Variants in ZNF608 observed in about 807,000 individuals in gnomAD.
The protein encoded by ZNF608 is zinc finger protein 608, also known as renal carcinoma antigen NY-REN-36.
Under a neutral mutation model 109.0 loss-of-function variants are expected in ZNF608, and 12 were observed. The ratio of observed to expected loss-of-function variants is 0.11; its 90% CI spans 0.07 to 0.18. The LOEUF is 0.18. Among genes scored for constraint, ZNF608 ranks in the 10% least tolerant of loss-of-function variants. The probability of loss-of-function intolerance (pLI) is 1.00; values close to 1 mark genes in which losing one functional copy is unlikely to be tolerated. For synonymous variants in ZNF608, 732 were observed against 717.4 expected (o/e 1.02, Z -0.33); for missense variants, 1,707 against 1,879.3 (o/e 0.91, Z 1.70).
Position 124,720,779 on chromosome 5 carries a change from T to C in ZNF608, c.907-19510A>G, listed in dbSNP as rs114519131. 6.3e-3 allele frequency among the ~76,000 whole-genome samples: 961 copies of C among 152,240 alleles called. 18 individuals are homozygous for C. Among genetic ancestry groups the C allele is most frequent in the African/African-American group, 0.022 (921 of 41,534 alleles). On this transcript the variant is annotated intron_variant, in intron 2 of 9. Coordinates refer to ENST00000513986, the MANE Select transcript of ZNF608 (RefSeq NM_020747.3). ...AATTCATGCCTGAGCTCATAATATC[T>C]AATTACACTCCCAACTCCTGGGCTG...
intron 8 of ZNF608, among the ~76,000 whole-genome samples, chr5:124,640,106 C>T (rs971661896): frequency 6.6e-6 from 1 of 152,002 alleles, no homozygotes; most frequent in East Asian, 1.9e-4. Flanking sequence ...ACTAAAAAGA[C>T]CTGAATAAAT....
At chr5:124,719,634 T>C (rs1164627702) in intron 2 of ZNF608, among the ~76,000 whole-genome samples, 1 of 152,220 alleles carries the variant, frequency 6.6e-6, no homozygotes, top group East Asian at 1.9e-4. Flanking sequence ...CAAGGGCTTG[T>C]TGACAAGCAA....
At chr5:124,713,981 C>T (rs1753597920) in intron 2 of ZNF608, among the ~76,000 whole-genome samples, 1 of 152,194 alleles carries the variant, frequency 6.6e-6, no homozygotes, top group African/African-American at 2.4e-5. Flanking sequence ...TGAGGAGCCA[C>T]ATTCCAGTTC....
At chr5:124,696,728 A>ATCTATC (rs1225658775) in intron 3 of ZNF608, among the ~76,000 whole-genome samples, 3 of 152,214 alleles carry the variant, frequency 2.0e-5, no homozygotes, top group African/African-American at 7.2e-5. Context: ...GCATCTTGAT[A>ATCTATC]GACACTATCT....
intron 3 of ZNF608, among the ~76,000 whole-genome samples, chr5:124,660,172 C>G (rs1456951355): frequency 1.3e-5 from 2 of 150,262 alleles, no homozygotes; most frequent in South Asian, 2.1e-4. Context: ...TCTCTTAACT[C>G]TGTGTGTGTG....
intron 2 of ZNF608, among the ~76,000 whole-genome samples, chr5:124,723,272 G>A (rs752778453): frequency 3.9e-5 from 6 of 152,134 alleles, no homozygotes; most frequent in Non-Finnish European, 7.4e-5. Context: ...GCCTCCCAAA[G>A]TACTGGGATT....
intron 3 of ZNF608, among the ~76,000 whole-genome samples, chr5:124,696,331 C>A (rs1752848789): frequency 6.6e-6 from 1 of 152,174 alleles, no homozygotes. Context: ...AAGCATTCAT[C>A]CTCTCACACC....
intron 8 of ZNF608, among the ~76,000 whole-genome samples, chr5:124,639,988 G>A (rs1222246232): frequency 2.0e-5 from 3 of 152,028 alleles, no homozygotes; most frequent in Non-Finnish European, 2.9e-5. Flanking sequence ...TAGATATAAT[G>A]TGTTAGACTA....
upstream of ZNF608, among the ~76,000 whole-genome samples, chr5:124,747,837 T>C (rs375788548): frequency 1.9e-4 from 29 of 152,264 alleles, no homozygotes; most frequent in South Asian, 2.5e-3. Flanking sequence ...CGGGGACGCC[T>C]GGGGGAGGGA....
chr5:124,641,336 C>G lies in ZNF608; in HGVS notation c.4366G>C (p.Gly1456Arg), dbSNP rs368636414. The change falls in exon 8 of 10, where the codon GGC becomes CGC. Residue 1456 changes from glycine (G) to arginine (R), a missense_variant. Gly to Arg is a moderately radical substitution (Grantham distance 125). This residue lies in a region of ZNF608 where 1,073 missense variants were observed against 1,133.5 expected (regional missense o/e 0.95). Transcript: ENST00000513986. ...ERERDRHSPFGQRHLHTHHHT... is the reference protein window; with the variant it reads ...ERERDRHSPFRQRHLHTHHHT... ...TGGTGCGTGTGCAGGTGCCGCTGGCCGAAGGGGGAGTGGCGATCCCTTTCC... is the reference window on the plus strand; with the variant it reads ...TGGTGCGTGTGCAGGTGCCGCTGGCGGAAGGGGGAGTGGCGATCCCTTTCC... The G allele has an allele frequency of 5.6e-6, 9 of 1,613,956 alleles. No homozygotes were observed. In the South Asian group the frequency reaches 9.9e-5, roughly 18 times the overall value.
At position 124,648,842 on chromosome 5, in the gene ZNF608, A is replaced by C; in HGVS notation, c.1542T>G (p.Ser514=). 6.2e-7 allele frequency: 1 copy of C among 1,614,088 alleles called. No individual in the cohort carries two copies. The highest frequency in any genetic ancestry group is 8.5e-7 in the Non-Finnish European group (1 of 1,179,972). ...CACGCTTTCCAGGCTTATTGTCCTC[A>C]GAGCTGGAGTTCAGGTCCAGCTCCA... ...PPMELDLNSS[S]EDNKPGKRVR... The change falls in exon 5 of 10, where the codon TCT becomes TCG. Residue 514 remains serine, a synonymous_variant. Coordinates refer to ENST00000513986, the MANE Select transcript of ZNF608 (RefSeq NM_020747.3).
rs778683422 is a variant in ZNF608, at chr5:124,648,933, T to C, written c.1451A>G (p.Asn484Ser). The part of the protein sequence containing the change: ...LNASGRRTPP[N>S]CAAEDIKASP... ...GGCTTTGATATCCTCAGCAGCACAA[T>C]TTGGGGGTGTCCTTCGTCCGCTGGC... is the stretch of plus-strand genomic sequence containing the variant. Residue 484 changes from asparagine (N) to serine (S), a missense_variant, in exon 5 of 10, where the codon AAT becomes AGT. Transcript: ENST00000513986. 1 of 1,614,046 alleles carries C rather than the reference T, an allele frequency of 6.2e-7. No homozygotes were observed.
At chr5:124,645,985 T>C (rs751834114) in intron 5 of ZNF608, among the ~76,000 whole-genome samples, 2 of 152,150 alleles carry the variant, frequency 1.3e-5, no homozygotes, top group African/African-American at 2.4e-5. Flanking sequence ...AAAATAAATA[T>C]TTCAGAGATA....
At chr5:124,656,195 T>C (rs569944332) in intron 3 of ZNF608, among the ~76,000 whole-genome samples, 3 of 152,264 alleles carry the variant, frequency 2.0e-5, no homozygotes, top group South Asian at 2.1e-4. Context: ...GCTTGGGAGA[T>C]AGGGCAGTAC....
rs183736404 is a variant in ZNF608, at chr5:124,736,254, A to T, written c.906+7830T>A. 6.6e-5 allele frequency among the ~76,000 whole-genome samples: 10 copies of T among 152,366 alleles called. No homozygotes were observed. In the East Asian group the frequency reaches 1.7e-3, roughly 26 times the overall value. On this transcript the variant is annotated intron_variant, in intron 2 of 9. Coordinates refer to ENST00000513986, the MANE Select transcript of ZNF608 (RefSeq NM_020747.3). ...AAGCCTATAATAAAGCACAGATTTG[A>T]TAGCATTATCCATGTACTGTGGTGA...
In ZNF608 at chr5:124,648,963, A is replaced by G. The variant is rs1245683831; in HGVS notation, c.1421T>C (p.Leu474Pro). The change falls in exon 5 of 10, where the codon CTC becomes CCC. Residue 474 changes from leucine to proline, a missense_variant. Physicochemically the swap from Leu to Pro is moderately conservative, Grantham distance 98. Transcript: ENST00000513986. ...GGGTGTCCTTCGTCCGCTGGCATTGAGGCTGCCCCGCCTCCCTTTCCCATT... is the reference window on the plus strand; with the variant it reads ...GGGTGTCCTTCGTCCGCTGGCATTGGGGCTGCCCCGCCTCCCTTTCCCATT... ...GANGKGRRGS[L>P]NASGRRTPPN... is the part of the protein sequence containing the mutation. 1 of 1,613,970 alleles carries G rather than the reference A, an allele frequency of 6.2e-7. No individual in the cohort carries two copies. Among genetic ancestry groups the G allele is most frequent in the Non-Finnish European group, 8.5e-7 (1 of 1,179,982 alleles).
At chr5:124,733,433 A>C (rs889686079) in intron 2 of ZNF608, among the ~76,000 whole-genome samples, 1 of 151,930 alleles carries the variant, frequency 6.6e-6, no homozygotes, top group Non-Finnish European at 1.5e-5. Context: ...TCCCCAAACA[A>C]AAATGCCCAG....
intron 3 of ZNF608, among the ~76,000 whole-genome samples, chr5:124,689,123 G>A (rs755770227): frequency 5.9e-5 from 9 of 152,224 alleles, no homozygotes; most frequent in South Asian, 2.1e-4. Context: ...TAAAGACCAG[G>A]CATACTGGGT....
intron 3 of ZNF608, among the ~76,000 whole-genome samples, chr5:124,665,667 C>T (rs1199928454): frequency 1.3e-5 from 2 of 152,154 alleles, no homozygotes; most frequent in African/African-American, 4.8e-5. Context: ...CAGGAATCTT[C>T]CTGAGATTTC....
Sources: gnomAD v4.1 joint callset for allele counts (sites outside exome capture counted in the v4.1 genomes callset) on GRCh38, gnomAD v4.1.1 for gene constraint, gnomAD v4.1.1 regional missense constraint, MANE v1.5 for transcripts, NCBI Gene and HGNC (gene_info 2026-07-23, HGNC 2026-07-21) for gene names.